The following PLCH2 variants were observed in gnomAD, a reference collection of about 807,000 sequenced individuals.
PLCH2 encodes the protein 1-phosphatidylinositol 4,5-bisphosphate phosphodiesterase eta-2.
PLCH2 carries 98 observed loss-of-function variants against 134.7 expected under a neutral mutation model. That is an observed-to-expected ratio of 0.73 (90% CI 0.62 to 0.86). The LOEUF (loss-of-function observed/expected upper bound fraction) is 0.86. PLCH2 is among the 40% of genes least tolerant of loss of function. PLCH2 has a pLI of 0.00. For synonymous variants in PLCH2, 974 were observed against 827.5 expected (o/e 1.18, Z -3.04); for missense variants, 1,994 against 1,986.6 (o/e 1.00, Z -0.07).
intron 2 of PLCH2, among the ~76,000 whole-genome samples, chr1:2,437,922 T>C (rs1198165478): frequency 6.6e-6 from 1 of 152,116 alleles, no homozygotes; most frequent in African/African-American, 2.4e-5. Flanking sequence ...TCTCACCGCC[T>C]CCTCTTTGGC....
chr1:2,496,916 C>T lies in PLCH2; in HGVS notation c.2022C>T (p.Asn674=), dbSNP rs1162965832. ...QQKPAQYLRF[N]QQQLSRIYPS... ...AGCCGGCGCAGTACCTACGCTTCAA[C>T]CAGCAGCAGCTCTCCCGCATCTACC... The change falls in exon 15 of 22, where the codon AAC becomes AAT. Residue 674 remains asparagine (N), a synonymous_variant. Transcript: ENST00000378486. 6.2e-7 allele frequency: 1 copy of T among 1,613,114 alleles called. No individual in the cohort carries two copies. The highest frequency in any genetic ancestry group is 8.5e-7 in the Non-Finnish European group (1 of 1,179,858).
chr1:2,418,119 C>A, the PLCH2 span, among the ~76,000 whole-genome samples: 4 of 152,220 alleles, frequency 2.6e-5, no homozygotes, highest in Non-Finnish European at 5.9e-5. Context: ...GTGACCGGTG[C>A]GAGGCAGACA....
rs780492500 is a variant in PLCH2, at chr1:2,476,467, G to A, written c.-122G>A. Reference sequence around the variant, plus strand: ...AGGGCCCTGAGGAGGAGGAGGAAGAGGCAGAGGAGAGAAGGCCCCACGGAG... The same window carrying A: ...AGGGCCCTGAGGAGGAGGAGGAAGAAGCAGAGGAGAGAAGGCCCCACGGAG... On this transcript the variant is annotated 5_prime_UTR_variant, in exon 1 of 22. Transcript: ENST00000378486. 4.2e-6 allele frequency: 4 copies of A among 941,648 alleles called. No individual in the cohort carries two copies. Among genetic ancestry groups the A allele is most frequent in the Non-Finnish European group, 3.0e-6 (2 of 656,450 alleles). 58.3% of individuals were successfully genotyped at this position (941,648 alleles called of 1,614,324 possible).
At chr1:2,496,529 CCTGGAG>C in intron 13 of PLCH2, 72 bp from the exon 14 acceptor site, 1 of 1,205,220 alleles carries the variant, frequency 8.3e-7, no homozygotes, top group Non-Finnish European at 1.2e-6. Context: ...CTGCCCGAGC[CCTGGAG>C]CCCGTCTCAC....
intron 11 of PLCH2, chr1:2,494,261 T>A (rs1642749173): frequency 6.2e-6 from 1 of 160,736 alleles, no homozygotes; most frequent in Non-Finnish European, 1.4e-5. Flanking sequence ...GAGGCAGCCC[T>A]GGGTTCGGCG....
the PLCH2 span, among the ~76,000 whole-genome samples, chr1:2,420,347 G>A: frequency 6.6e-6 from 1 of 152,182 alleles, no homozygotes; most frequent in Admixed American, 6.5e-5. Flanking sequence ...GTGCAGGTCT[G>A]AAAGCTTCCA....
chr1:2,505,180 GGCT>G lies in PLCH2; in HGVS notation c.4223_4225del (p.Ala1408del). 1 of 1,572,264 alleles carries G rather than the reference GGCT, an allele frequency of 6.4e-7. No individual in the cohort carries two copies. The highest frequency in any genetic ancestry group is 8.6e-7 in the Non-Finnish European group (1 of 1,169,060). On this transcript the variant is annotated inframe_deletion, in exon 22 of 22. Coordinates refer to ENST00000378486, the MANE Select transcript of PLCH2 (RefSeq NM_014638.4). The stretch of plus-strand genomic sequence containing the variant: ...AGGGAGCCCTCGGGCCAGCATCCGC[GGCT>G]GCTGAAAACCTGGTCCTGCTCCGCC...
chr1:2,480,372 G>A (rs961715319), intron 4 of PLCH2, 60 bp downstream of exon 4: 15 of 1,566,200 alleles, frequency 9.6e-6, no homozygotes, highest in East Asian at 4.5e-5. Flanking sequence ...GGCTGTGCTT[G>A]TGTGGCTGGG....
Position 2,505,118 on chromosome 1 carries a change from G to A in PLCH2, c.4156G>A (p.Gly1386Ser), listed in dbSNP as rs1570518782. The A allele has an allele frequency of 6.5e-7, 1 of 1,547,450 alleles. No individual in the cohort carries two copies. Among genetic ancestry groups the A allele is most frequent in the South Asian group, 1.2e-5 (1 of 84,760 alleles). Residue 1386 changes from glycine to serine, a missense_variant, in exon 22 of 22, where the codon GGC becomes AGC. Physicochemically the swap from Gly to Ser is moderately conservative, Grantham distance 56. Around this residue, in one of 2 missense-constraint regions of PLCH2, gnomAD observed 900 missense variants for 752.3 expected, o/e 1.20. Coordinates refer to ENST00000378486, the MANE Select transcript of PLCH2 (RefSeq NM_014638.4). ...RGTPEGACSV[G>S]HEGSVDAPAP... ...CACCCCCGAGGGCGCCTGCTCCGTG[G>A]GCCACGAGGGCAGTGTGGATGCACC...
At chr1:2,459,648 T>G (rs74315946) in intron 2 of PLCH2, among the ~76,000 whole-genome samples, 41 of 34,440 alleles carry the variant, frequency 1.2e-3, no homozygotes, top group South Asian at 5.4e-3. Context: ...GGTCTTCCTT[T>G]CCGGTGGTCC....
upstream of PLCH2, among the ~76,000 whole-genome samples, chr1:2,425,242 A>G (rs1034877655): frequency 7.1e-6 from 1 of 140,556 alleles, no homozygotes; most frequent in Non-Finnish European, 1.5e-5. Flanking sequence ...ACACACACAT[A>G]TGTAACACAC....
rs1433742109 is a variant in PLCH2, at chr1:2,487,192, G to A, written c.930G>A (p.Arg310=). The change falls in exon 7 of 22, where the codon AGG becomes AGA. Residue 310 remains arginine (R), a synonymous_variant. Transcript: ENST00000378486. ...CTGCAGGCTTCACCAACTACACCAG[G>A]AGCCCTGCTGGTGACATCTTCAACC... ...LGIDGFTNYT[R]SPAGDIFNPE... 1 of 1,576,260 alleles carries A rather than the reference G, an allele frequency of 6.3e-7. No homozygotes were observed. The highest frequency in any genetic ancestry group is 1.3e-5 in the African/African-American group (1 of 74,184).
Position 2,499,694 on chromosome 1 carries a change from G to T in PLCH2, c.2635G>T (p.Val879Leu). ...GGAAGAGGCCTCCATCTTCGTGCAT[G>T]TGGCTGTCAGTGACATCAGCGGTAA... The part of the protein sequence containing the change: ...GMEEASIFVH[V>L]AVSDISGKVK... The change falls in exon 20 of 22, where the codon GTG becomes TTG. Residue 879 changes from valine to leucine, a missense_variant. Physicochemically the swap from Val to Leu is conservative, Grantham distance 32. Transcript: ENST00000378486. The T allele has an allele frequency of 6.3e-7, 1 of 1,594,658 alleles. No individual in the cohort carries two copies.
intron 2 of PLCH2, among the ~76,000 whole-genome samples, chr1:2,453,795 C>G (rs567943708): frequency 6.6e-6 from 1 of 152,350 alleles, no homozygotes; most frequent in Admixed American, 6.5e-5. Context: ...CTGGGTCCAG[C>G]CTGGTGCCTG....
chr1:2,461,398 C>T (rs967268130), intron 2 of PLCH2, among the ~76,000 whole-genome samples: 1 of 152,188 alleles, frequency 6.6e-6, no homozygotes, highest in African/African-American at 2.4e-5. Context: ...CATGTGGGCA[C>T]CTGCTGTGAC....
intron 2 of PLCH2, among the ~76,000 whole-genome samples, chr1:2,461,666 G>A (rs1212114907): frequency 6.6e-6 from 1 of 152,142 alleles, no homozygotes; most frequent in Non-Finnish European, 1.5e-5. Flanking sequence ...CATGCCTCCC[G>A]CCTCTGTGGG....
intron 20 of PLCH2, chr1:2,500,948 C>T (rs951398946): frequency 2.0e-5 from 3 of 150,624 alleles, no homozygotes; most frequent in Non-Finnish European, 4.4e-5. Flanking sequence ...CTCTCCTGCC[C>T]CCATCTCGGA....
rs1255247325 is a variant in PLCH2 at position 2,497,094 on chromosome 1, C to A, written c.2116+84C>A. 37 of 1,354,852 alleles carry A rather than the reference C, an allele frequency of 2.7e-5. No homozygotes were observed. In the East Asian group the frequency reaches 9.0e-4, roughly 33 times the overall value. The allele number at this position is 1,354,852 out of a possible 1,614,324, so 83.9% of individuals were successfully genotyped here. On this transcript the variant is annotated intron_variant, in intron 15 of 21. Transcript: ENST00000378486. ...GAAGCCCAAGGGGCGAGCAGGGGAC[C>A]CGCTGGGGCCTCGGTTCTGTCCTGG...
chr1:2,418,966 T>C, the PLCH2 span, among the ~76,000 whole-genome samples: 18 of 152,220 alleles, frequency 1.2e-4, no homozygotes, highest in African/African-American at 4.1e-4. Context: ...TTCCTACCAC[T>C]CCCCTACCCG....
Sources: allele counts gnomAD v4.1 joint callset (sites outside exome capture counted in the v4.1 genomes callset), GRCh38; gene constraint gnomAD v4.1.1; regional missense constraint gnomAD v4.1.1; transcripts MANE v1.5; gene names NCBI Gene and HGNC (gene_info 2026-07-23, HGNC 2026-07-21).